Variants in ARHGAP5 observed in about 807,000 individuals in gnomAD.
The protein encoded by ARHGAP5 is rho GTPase-activating protein 5.
In ARHGAP5, 23 loss-of-function variants were observed where a neutral mutation model predicts 116.6. The ratio of observed to expected loss-of-function variants is 0.20; its 90% CI spans 0.14 to 0.28. ARHGAP5 has a LOEUF of 0.28. Ranked by LOEUF, ARHGAP5 falls within the 10% of genes least tolerant of loss-of-function variation. The probability of loss-of-function intolerance (pLI) is 1.00; values close to 1 mark genes in which losing one functional copy is unlikely to be tolerated. For missense variants in ARHGAP5, 1,405 were observed against 1,774.8 expected, an observed-to-expected ratio of 0.79 and a Z score of 3.74; for synonymous variants, 574 against 602.0, an observed-to-expected ratio of 0.95 and a Z score of 0.68.
intron 1 of ARHGAP5, among the ~76,000 whole-genome samples, chr14:32,083,189 A>G (rs1594337916): frequency 6.6e-6 from 1 of 152,390 alleles, no homozygotes; most frequent in East Asian, 1.9e-4. Flanking sequence ...TCTGCAAACT[A>G]TGGCCTCTGG....
rs1566661460 is a variant in ARHGAP5 at position 32,092,952 on chromosome 14, G to A, written c.2283G>A (p.Leu761=). ...RGVLESVKHN[L]DVVSPIPANK... Reference sequence around the variant, plus strand: ...TATTGGAATCAGTTAAACACAATTTGGATGTGGTGAGCCCAATTCCTGCCA... The same window carrying A: ...TATTGGAATCAGTTAAACACAATTTAGATGTGGTGAGCCCAATTCCTGCCA... The change falls in exon 2 of 7, where the codon TTG becomes TTA. Residue 761 remains leucine, a synonymous_variant. Transcript: ENST00000345122. The surrounding 1 kb of genome is among the most constrained non-coding windows in gnomAD (Gnocchi z 4.1). 6.2e-7 allele frequency: 1 copy of A among 1,614,010 alleles called. No individual in the cohort carries two copies. Among genetic ancestry groups the A allele is most frequent in the Non-Finnish European group, 8.5e-7 (1 of 1,179,940 alleles).
intron 3 of ARHGAP5, among the ~76,000 whole-genome samples, chr14:32,134,866 A>G (rs939618890): frequency 4.6e-5 from 7 of 152,192 alleles, no homozygotes; most frequent in African/African-American, 1.4e-4. Flanking sequence ...TATATTTGCT[A>G]TTGGGCCTGA....
chr14:32,092,726 G>A lies in ARHGAP5; in HGVS notation c.2057G>A (p.Arg686Lys), dbSNP rs754642213. ...GKIRTEASQI[R>K]KDKYMANLPF... ...ATAAGAACTGAAGCTTCTCAGATCA[G>A]AAAAGATAAATACATGGCTAATCTT... is the stretch of plus-strand genomic sequence containing the variant. The change falls in exon 2 of 7, where the codon AGA (arginine) becomes AAA (lysine). Residue 686 changes from arginine to lysine, a missense_variant. Transcript: ENST00000345122. This position sits in a 1 kb window ranked among gnomAD's most constrained non-coding sequence, Gnocchi z 4.1. The A allele has an allele frequency of 1.2e-6, 2 of 1,613,676 alleles. No homozygotes were observed. The highest frequency in any genetic ancestry group is 1.7e-6 in the Non-Finnish European group (2 of 1,179,840).
intron 3 of ARHGAP5, among the ~76,000 whole-genome samples, chr14:32,133,826 A>C (rs981948500): frequency 6.6e-6 from 1 of 152,214 alleles, no homozygotes; most frequent in African/African-American, 2.4e-5. Flanking sequence ...CCTTTTCTGC[A>C]TCTATTGAGA....
intron 5 of ARHGAP5, 28 bp downstream of exon 5, chr14:32,150,061 G>T: frequency 6.6e-7 from 1 of 1,526,262 alleles, no homozygotes; most frequent in Non-Finnish European, 8.8e-7. Context: ...TTTTATGAGA[G>T]GGATGATAAT....
chr14:32,097,969 A>G lies in ARHGAP5; in HGVS notation c.3717+3583A>G, dbSNP rs150958126. 1.8e-3 allele frequency among the ~76,000 whole-genome samples: 278 copies of G among 152,324 alleles called. 1 individual carries two copies. Among genetic ancestry groups the G allele is most frequent in the African/African-American group, 6.4e-3 (267 of 41,584 alleles). On this transcript the variant is annotated intron_variant, in intron 2 of 6. Coordinates refer to ENST00000345122, the MANE Select transcript of ARHGAP5 (RefSeq NM_001030055.2). ...ATTGAAAGACATTAAAAAGACCTAA[A>G]TAAATGACAGAGCTATTGCCTTCCT...
At chr14:32,134,561 A>AAC (rs1880686053) in intron 3 of ARHGAP5, among the ~76,000 whole-genome samples, 1 of 152,170 alleles carries the variant, frequency 6.6e-6, no homozygotes, top group African/African-American at 2.4e-5. Flanking sequence ...AAACAGCATG[A>AAC]ACACATTTAC....
intron 2 of ARHGAP5, among the ~76,000 whole-genome samples, chr14:32,104,027 G>A (rs778898195): frequency 6.6e-6 from 1 of 152,144 alleles, no homozygotes; most frequent in African/African-American, 2.4e-5. Context: ...CTGAGTCAAG[G>A]TTTGGGTATT....
chr14:32,145,445 A>T (rs1402003170), intron 3 of ARHGAP5, among the ~76,000 whole-genome samples: 1 of 149,744 alleles, frequency 6.7e-6, no homozygotes, highest in Admixed American at 6.6e-5. Context: ...GGGAAAGCAG[A>T]CTTCTTGTTG....
Position 32,093,418 on chromosome 14 carries a change from G to A in ARHGAP5, c.2749G>A (p.Ala917Thr). Residue 917 changes from alanine to threonine, a missense_variant, in exon 2 of 7, where the codon GCA becomes ACA. By Grantham distance (58) the Ala-to-Thr change is moderately conservative (BLOSUM62 0). Transcript: ENST00000345122. Reference sequence around the variant, plus strand: ...AACTGAGATCACTGCTAAATTTACAGCACTGTATTCTTTATCTCAGTATCA... The same window carrying A: ...AACTGAGATCACTGCTAAATTTACAACACTGTATTCTTTATCTCAGTATCA... Reference protein sequence around the residue: ...IATEITAKFTALYSLSQYHRQ... With the variant: ...IATEITAKFTTLYSLSQYHRQ... 1 of 1,613,900 alleles carries A rather than the reference G, an allele frequency of 6.2e-7. No individual in the cohort carries two copies.
At chr14:32,114,680 A>T (rs1174287502) in intron 2 of ARHGAP5, among the ~76,000 whole-genome samples, 1 of 152,216 alleles carries the variant, frequency 6.6e-6, no homozygotes, top group African/African-American at 2.4e-5. Context: ...AGGATTTAGA[A>T]GTTAGGTTTC....
chr14:32,135,408 A>C (rs1477899245), intron 3 of ARHGAP5, among the ~76,000 whole-genome samples: 2 of 152,012 alleles, frequency 1.3e-5, no homozygotes, highest in Non-Finnish European at 1.5e-5. Context: ...CAGATCCTAG[A>C]ATTTTAGGTC....
chr14:32,124,093 ACT>A (rs1046066994), intron 3 of ARHGAP5, among the ~76,000 whole-genome samples: 8 of 151,900 alleles, frequency 5.3e-5, no homozygotes, highest in Non-Finnish European at 1.0e-4. Flanking sequence ...GTCTTTCTGA[ACT>A]CTCTTCTCTC....
chr14:32,112,554 T>C (rs1879366250), intron 2 of ARHGAP5, among the ~76,000 whole-genome samples: 1 of 152,200 alleles, frequency 6.6e-6, no homozygotes, highest in Admixed American at 6.5e-5. Flanking sequence ...AGTTCAGATA[T>C]GAATGAATGT....
Position 32,125,263 on chromosome 14 carries a change from A to G in ARHGAP5, c.3865+7976A>G, listed in dbSNP as rs1254374061. 4.5e-4 allele frequency among the ~76,000 whole-genome samples: 69 copies of G among 152,176 alleles called. 1 individual carries two copies. The highest frequency in any genetic ancestry group is 4.5e-3 in the Admixed American group (68 of 15,276). On this transcript the variant is annotated intron_variant, in intron 3 of 6. Transcript: ENST00000345122. ...TATTTCATATCAGTAGAATCACACA[A>G]TGTATGACCTTTTCTTCTGCTTCTT...
chr14:32,155,110 A>G lies in ARHGAP5; in HGVS notation c.*162A>G, dbSNP rs1407664885. ...GGTATTCCTTATTCACTTACATTACAAATCTAAGACCATGTGATAAGCATG... is the reference window on the plus strand; with the variant it reads ...GGTATTCCTTATTCACTTACATTACGAATCTAAGACCATGTGATAAGCATG... On this transcript the variant is annotated 3_prime_UTR_variant, in exon 7 of 7. Coordinates refer to ENST00000345122, the MANE Select transcript of ARHGAP5 (RefSeq NM_001030055.2). 1.5e-6 allele frequency: 1 copy of G among 666,140 alleles called. No homozygotes were observed. Among genetic ancestry groups the G allele is most frequent in the Non-Finnish European group, 2.5e-6 (1 of 402,478 alleles). The allele number at this position is 666,140 out of a possible 1,614,324, so 41.3% of individuals were successfully genotyped here.
At chr14:32,131,506 C>G (rs1566677781) in intron 3 of ARHGAP5, among the ~76,000 whole-genome samples, 3 of 152,146 alleles carry the variant, frequency 2.0e-5, no homozygotes, top group Admixed American at 6.5e-5. Flanking sequence ...GCCAACCCCC[C>G]CATTTCTCCC....
intron 3 of ARHGAP5, among the ~76,000 whole-genome samples, chr14:32,124,406 T>C (rs1880043134): frequency 6.6e-6 from 1 of 152,192 alleles, no homozygotes; most frequent in African/African-American, 2.4e-5. Flanking sequence ...AATAGTACTA[T>C]CTTAATAAGT....
intron 3 of ARHGAP5, among the ~76,000 whole-genome samples, chr14:32,125,907 A>C (rs535605203): frequency 3.3e-5 from 5 of 152,002 alleles, no homozygotes; most frequent in Admixed American, 6.6e-5. Context: ...TTTAATTTTC[A>C]TGTTTATGGA....
Sources: gnomAD v4.1 joint callset for allele counts (sites outside exome capture counted in the v4.1 genomes callset) on GRCh38, gnomAD v4.1.1 for gene constraint, Gnocchi (gnomAD v3.1) non-coding constraint, MANE v1.5 for transcripts, NCBI Gene and HGNC (gene_info 2026-07-23, HGNC 2026-07-21) for gene names.